STPG2: variants seen among roughly 807,000 people sequenced by gnomAD.
STPG2 encodes sperm tail PG-rich repeat containing 2, also known as sperm-tail PG-rich repeat-containing protein 2.
In STPG2, 56 loss-of-function variants were observed where a neutral mutation model predicts 54.2. The observed-to-expected ratio is 1.03, with a 90% CI of 0.83 to 1.29. The LOEUF is 1.29. Among genes scored for constraint, STPG2 ranks in the 50% most tolerant of loss-of-function variants. The pLI, the probability that STPG2 is intolerant of heterozygous loss-of-function variation, is 0.00. For missense variants in STPG2, 596 were observed against 544.9 expected, an observed-to-expected ratio of 1.09 and a Z score of -0.93; for synonymous variants, 200 against 181.8, an observed-to-expected ratio of 1.10 and a Z score of -0.81.
intron 9 of STPG2, among the ~76,000 whole-genome samples, chr4:97,801,606 A>T (rs192098541): frequency 2.6e-5 from 4 of 152,296 alleles, no homozygotes; most frequent in Admixed American, 2.6e-4. Flanking sequence ...TTCAGAAATA[A>T]AATTATAGCA....
At chr4:98,091,237 A>T (rs1262278753) in intron 5 of STPG2, among the ~76,000 whole-genome samples, 1 of 151,984 alleles carries the variant, frequency 6.6e-6, no homozygotes, top group African/African-American at 2.4e-5. Context: ...GCATTACCTC[A>T]TGATTTCCCT....
chr4:97,827,235 G>GT (rs1728286769), intron 9 of STPG2, among the ~76,000 whole-genome samples: 15 of 132,858 alleles, frequency 1.1e-4, no homozygotes, highest in African/African-American at 4.3e-4. Context: ...GCTATAGACA[G>GT]CTTTTTTTTT....
intron 9 of STPG2, among the ~76,000 whole-genome samples, chr4:97,719,650 A>T (rs1457653525): frequency 1.3e-5 from 2 of 152,028 alleles, no homozygotes; most frequent in Non-Finnish European, 1.5e-5. Context: ...TTTTCTCTGA[A>T]ATATATCTGA....
At chr4:97,926,637 T>G (rs2149215030) in intron 8 of STPG2, among the ~76,000 whole-genome samples, 1 of 152,262 alleles carries the variant, frequency 6.6e-6, no homozygotes, top group South Asian at 2.1e-4. Flanking sequence ...GACATAGAAA[T>G]TCTAATCCTC....
At chr4:97,480,674 G>A (rs1032305433) in intron 4 of STPG2, among the ~76,000 whole-genome samples, 8 of 151,360 alleles carry the variant, frequency 5.3e-5, no homozygotes, top group African/African-American at 1.9e-4. Flanking sequence ...ATTTCCCTGT[G>A]ACTAATAATG....
At chr4:97,666,377 T>C (rs941795487) in intron 10 of STPG2, among the ~76,000 whole-genome samples, 1 of 152,222 alleles carries the variant, frequency 6.6e-6, no homozygotes, top group African/African-American at 2.4e-5. Flanking sequence ...CATGCAATGT[T>C]ACCATGCAAC....
intron 9 of STPG2, among the ~76,000 whole-genome samples, chr4:97,835,439 C>A (rs1252811659): frequency 6.6e-6 from 1 of 152,060 alleles, no homozygotes; most frequent in Non-Finnish European, 1.5e-5. Flanking sequence ...TATGGAGTAG[C>A]CATTCTTTAT....
chr4:97,698,959 T>A (rs1211375515), intron 10 of STPG2, among the ~76,000 whole-genome samples: 2 of 152,160 alleles, frequency 1.3e-5, no homozygotes, highest in African/African-American at 4.8e-5. Context: ...AGGCATTCTG[T>A]GAGTCCACTG....
intron 5 of STPG2, among the ~76,000 whole-genome samples, chr4:97,988,551 A>G (rs1036631083): frequency 1.3e-5 from 2 of 152,180 alleles, no homozygotes; most frequent in African/African-American, 4.8e-5. Context: ...GAATTTGATG[A>G]TGGGTTCCTA....
intron 10 of STPG2, among the ~76,000 whole-genome samples, chr4:97,686,930 T>C (rs6856238): frequency 1.3e-5 from 2 of 148,816 alleles, no homozygotes; most frequent in African/African-American, 5.0e-5. Flanking sequence ...CTAATTATTA[T>C]TATTATTATT....
At chr4:97,536,919 C>T (rs978719851) in intron 4 of STPG2, among the ~76,000 whole-genome samples, 2 of 152,168 alleles carry the variant, frequency 1.3e-5, no homozygotes, top group African/African-American at 2.4e-5. Flanking sequence ...GACATTAGCT[C>T]AAGTGTTTCA....
intron 7 of STPG2, among the ~76,000 whole-genome samples, chr4:97,969,889 A>G (rs1047570914): frequency 1.3e-5 from 2 of 152,218 alleles, no homozygotes; most frequent in Non-Finnish European, 2.9e-5. Context: ...TTTGCAGATG[A>G]CATGCTTGTA....
intron 9 of STPG2, among the ~76,000 whole-genome samples, chr4:97,761,679 T>C (rs1201123746): frequency 4.6e-5 from 7 of 152,182 alleles, no homozygotes; most frequent in Non-Finnish European, 7.3e-5. Flanking sequence ...CTGCCTGCCA[T>C]AGTCAGTGGG....
chr4:97,567,786 G>C (rs545547233), intron 10 of STPG2, among the ~76,000 whole-genome samples: 1 of 151,964 alleles, frequency 6.6e-6, no homozygotes, highest in Non-Finnish European at 1.5e-5. Flanking sequence ...AAGATATACC[G>C]CATGTTGTAT....
chr4:97,552,264 C>A (rs886779373), intron 4 of STPG2, among the ~76,000 whole-genome samples: 1 of 151,912 alleles, frequency 6.6e-6, no homozygotes, highest in Non-Finnish European at 1.5e-5. Flanking sequence ...AATAAAGGAA[C>A]TTACAACATA....
At chr4:97,952,040 C>A (rs748421147) in intron 7 of STPG2, among the ~76,000 whole-genome samples, 4 of 152,036 alleles carry the variant, frequency 2.6e-5, no homozygotes, top group Non-Finnish European at 5.9e-5. Context: ...CACTCATGAC[C>A]CATTGTTCCA....
chr4:97,492,645 CT>C (rs112806773), intron 4 of STPG2, among the ~76,000 whole-genome samples: 1,823 of 146,594 alleles, frequency 0.012, 20 homozygotes, highest in Middle Eastern at 0.039. Context: ...ATGATAAAAA[CT>C]TTTTTTTTTT....
chr4:97,641,740 A>G (rs1721772281), intron 10 of STPG2, among the ~76,000 whole-genome samples: 1 of 151,510 alleles, frequency 6.6e-6, no homozygotes, highest in Non-Finnish European at 1.5e-5. Context: ...CTATAATAAA[A>G]AAGGAAATTC....
At chr4:97,693,178 G>T (rs577493089) in intron 10 of STPG2, among the ~76,000 whole-genome samples, 8 of 150,954 alleles carry the variant, frequency 5.3e-5, no homozygotes, top group African/African-American at 1.9e-4. Flanking sequence ...CAAATAGCAT[G>T]ATGAATAGAA....
Sources: allele counts gnomAD v4.1 joint callset (sites outside exome capture counted in the v4.1 genomes callset), GRCh38; gene constraint gnomAD v4.1.1; transcripts MANE v1.5; gene names NCBI Gene and HGNC (gene_info 2026-07-23, HGNC 2026-07-21).